HDAC5: variants seen among roughly 807,000 people sequenced by gnomAD.
The protein encoded by HDAC5 is histone deacetylase 5.
A neutral mutation model predicts 133.3 loss-of-function variants in HDAC5; 25 were observed. That is an observed-to-expected ratio of 0.19 (90% CI 0.14 to 0.26). HDAC5 has a LOEUF of 0.26. HDAC5 is among the 10% of genes least tolerant of loss of function. The pLI is 1.00. For synonymous variants in HDAC5, 589 were observed against 610.8 expected, an observed-to-expected ratio of 0.96 and a Z score of 0.53; for missense variants, 1,041 against 1,460.5, an observed-to-expected ratio of 0.71 and a Z score of 4.68.
chr17:44,097,201 C>T (rs958711363), intron 3 of HDAC5, among the ~76,000 whole-genome samples: 1 of 152,252 alleles, frequency 6.6e-6, no homozygotes, highest in African/African-American at 2.4e-5. Flanking sequence ...CCATGCCACC[C>T]ACATGCCTGG....
chr17:44,111,529 A>C (rs2052344309), intron 2 of HDAC5: 1 of 491,656 alleles, frequency 2.0e-6, no homozygotes, highest in Non-Finnish European at 4.1e-6. Context: ...CAAGCAAGCC[A>C]GGGGATGGAG....
chr17:44,094,777 CAT>C (rs1003955603), intron 3 of HDAC5, among the ~76,000 whole-genome samples: 4 of 151,886 alleles, frequency 2.6e-5, no homozygotes, highest in South Asian at 2.1e-4. Flanking sequence ...TACACACACA[CAT>C]ACATATGTGT....
At chr17:44,094,156 C>G (rs1301658671) in intron 3 of HDAC5, among the ~76,000 whole-genome samples, 1 of 151,952 alleles carries the variant, frequency 6.6e-6, no homozygotes, top group Non-Finnish European at 1.5e-5. Flanking sequence ...AACCCCCTCA[C>G]TACTAAAAAT....
At chr17:44,110,605 TCAA>T (rs761291963) in intron 3 of HDAC5, 121 bp downstream of exon 3, 2 of 763,258 alleles carry the variant, frequency 2.6e-6, no homozygotes, top group Non-Finnish European at 4.4e-6. Flanking sequence ...CTGTGTATTC[TCAA>T]CAAAACTCTC....
intron 6 of HDAC5, 29 bp downstream of exon 6, chr17:44,093,063 G>T: frequency 1.3e-6 from 2 of 1,543,830 alleles, no homozygotes; most frequent in Non-Finnish European, 8.9e-7. Flanking sequence ...GCTCACCTAT[G>T]CCCACCCATG....
intron 3 of HDAC5, among the ~76,000 whole-genome samples, chr17:44,101,570 C>T (rs2051611298): frequency 6.6e-6 from 1 of 152,148 alleles, no homozygotes; most frequent in African/African-American, 2.4e-5. Flanking sequence ...CGTGCAGATA[C>T]TCCCTGGATC....
At chr17:44,099,407 G>GACCA in intron 3 of HDAC5, among the ~76,000 whole-genome samples, 1 of 152,154 alleles carries the variant, frequency 6.6e-6, no homozygotes, top group East Asian at 1.9e-4. Flanking sequence ...CTGCAGGGCT[G>GACCA]ACCACCCTGC....
Position 44,079,245 on chromosome 17 carries a change from G to A in HDAC5, c.2977C>T (p.Leu993=). 1 of 1,613,736 alleles carries A rather than the reference G, an allele frequency of 6.2e-7. No homozygotes were observed. Among genetic ancestry groups the A allele is most frequent in the Non-Finnish European group, 8.5e-7 (1 of 1,179,802 alleles). The change falls in exon 24 of 27, where the codon CTG becomes TTG. Residue 993 remains leucine (L), a synonymous_variant. Transcript: ENST00000682912. The part of the protein sequence containing the change: ...FGHLTRQLMT[L]AGGRVVLALE... ...GCCAGCACCACCCGGCCCCCTGCCA[G>A]GGTCATCAGCTGCCTGGTCAAGTGG... is the stretch of plus-strand genomic sequence containing the variant.
chr17:44,121,628 C>T (rs1160329916), intron 1 of HDAC5, among the ~76,000 whole-genome samples: 1 of 151,662 alleles, frequency 6.6e-6, no homozygotes, highest in Non-Finnish European at 1.5e-5. Context: ...TATGCGGGAA[C>T]ACAAATGACC....
At chr17:44,100,517 G>T (rs1009786791) in intron 3 of HDAC5, among the ~76,000 whole-genome samples, 1 of 148,608 alleles carries the variant, frequency 6.7e-6, no homozygotes, top group East Asian at 2.0e-4. Context: ...GGCAGATCAC[G>T]AGGTCAGGAG....
At chr17:44,091,238 C>A (rs1469574715) in intron 11 of HDAC5, 32 bp downstream of exon 11, 2 of 1,543,596 alleles carry the variant, frequency 1.3e-6, no homozygotes, top group African/African-American at 2.7e-5. Flanking sequence ...TGACCTTAGC[C>A]CCCTCCCTTG....
intron 3 of HDAC5, among the ~76,000 whole-genome samples, chr17:44,098,900 T>C (rs2051422964): frequency 6.6e-6 from 1 of 151,658 alleles, no homozygotes; most frequent in Non-Finnish European, 1.5e-5. Flanking sequence ...GAGGATCACT[T>C]GAGGTCAGGA....
intron 23 of HDAC5, 131 bp from the exon 24 acceptor site, chr17:44,079,408 A>G (rs1168923619): frequency 6.1e-6 from 5 of 822,252 alleles, no homozygotes; most frequent in Non-Finnish European, 9.3e-6. Flanking sequence ...TTGGGAGGCC[A>G]AGGCGGGCAG....
At chr17:44,097,769 G>C (rs1344919727) in intron 3 of HDAC5, among the ~76,000 whole-genome samples, 3 of 152,242 alleles carry the variant, frequency 2.0e-5, no homozygotes, top group Non-Finnish European at 4.4e-5. Context: ...AGCACTCCTG[G>C]CTCCCAGCAG....
At chr17:44,101,837 C>A (rs184883074) in intron 3 of HDAC5, among the ~76,000 whole-genome samples, 3 of 151,912 alleles carry the variant, frequency 2.0e-5, no homozygotes, top group African/African-American at 7.2e-5. Flanking sequence ...TGTAAGCCAG[C>A]CCTGGGACAG....
At position 44,093,803 on chromosome 17, in the gene HDAC5, C is replaced by A; in HGVS notation, c.126G>T (p.Met42Ile). Residue 42 changes from methionine (M) to isoleucine (I), a missense_variant, in exon 4 of 27, where the codon ATG (methionine) becomes ATT (isoleucine). Physicochemically the swap from Met to Ile is conservative, Grantham distance 10. Transcript: ENST00000682912. ...VEVKPVLPRA[M>I]PSSMGGGGGG... ...CACCCCCACCCCCCATGGAACTGGGCATGGCTCTTGGCAGCACCGGCTTCA... is the reference window on the plus strand; with the variant it reads ...CACCCCCACCCCCCATGGAACTGGGAATGGCTCTTGGCAGCACCGGCTTCA... The A allele has an allele frequency of 6.5e-7, 1 of 1,543,580 alleles. No homozygotes were observed.
intron 3 of HDAC5, among the ~76,000 whole-genome samples, chr17:44,100,596 A>G (rs2051540095): frequency 6.8e-6 from 1 of 148,058 alleles, no homozygotes; most frequent in African/African-American, 2.5e-5. Context: ...AAAAAAAAAA[A>G]AAAAATTAGC....
chr17:44,118,843 C>T (rs555554811), intron 1 of HDAC5, among the ~76,000 whole-genome samples: 1 of 152,190 alleles, frequency 6.6e-6, no homozygotes, highest in Non-Finnish European at 1.5e-5. Context: ...GCTCTGCCCC[C>T]CTAGACAGCC....
intron 13 of HDAC5, 82 bp from the exon 14 acceptor site, chr17:44,086,819 G>T: frequency 9.0e-7 from 1 of 1,105,764 alleles, no homozygotes; most frequent in Non-Finnish European, 1.2e-6. Context: ...GCCTCCAGTG[G>T]GGCCCCAATC....
Sources: gnomAD v4.1 joint callset for allele counts (sites outside exome capture counted in the v4.1 genomes callset) on GRCh38, gnomAD v4.1.1 for gene constraint, MANE v1.5 for transcripts, NCBI Gene and HGNC (gene_info 2026-07-23, HGNC 2026-07-21) for gene names.